The following OSBP2 variants were observed in gnomAD, a reference collection of about 807,000 sequenced individuals.
OSBP2 encodes oxysterol binding protein 2.
In OSBP2, 66 loss-of-function variants were observed where a neutral mutation model predicts 96.0. The observed-to-expected ratio is 0.69, with a 90% confidence interval of 0.56 to 0.84. The LOEUF (loss-of-function observed/expected upper bound fraction) is 0.84, where lower values mean the gene tolerates loss of function less well. Among genes scored for constraint, OSBP2 ranks in the 40% least tolerant of loss-of-function variants. The pLI, the probability that OSBP2 is intolerant of heterozygous loss-of-function variation, is 0.00. For missense variants in OSBP2, 1,038 were observed against 1,222.7 expected (o/e 0.85, Z 2.25); for synonymous variants, 525 against 520.9 (o/e 1.01, Z -0.11).
chr22:30,750,787 C>T (rs945027925), intron 2 of OSBP2, among the ~76,000 whole-genome samples: 1 of 152,202 alleles, frequency 6.6e-6, no homozygotes, highest in African/African-American at 2.4e-5. Flanking sequence ...ATCTGTTGCC[C>T]AGGCTAGAGT....
intron 2 of OSBP2, among the ~76,000 whole-genome samples, chr22:30,848,113 C>A (rs2147052681): frequency 6.6e-6 from 1 of 152,230 alleles, no homozygotes; most frequent in South Asian, 2.1e-4. Context: ...GATTCCCTAA[C>A]AGCTATATAA....
At chr22:30,900,708 C>A (rs1262593695) in intron 12 of OSBP2, among the ~76,000 whole-genome samples, 1 of 152,064 alleles carries the variant, frequency 6.6e-6, no homozygotes, top group African/African-American at 2.4e-5. Context: ...CCAAATGAAT[C>A]CCTATGGAAA....
chr22:30,739,586 T>C (rs543584180), intron 1 of OSBP2, among the ~76,000 whole-genome samples: 1 of 152,132 alleles, frequency 6.6e-6, no homozygotes, highest in African/African-American at 2.4e-5. Context: ...GTGATTCTCC[T>C]GCCCCAGCCT....
chr22:30,879,463 C>T (rs1177447314), intron 3 of OSBP2, among the ~76,000 whole-genome samples: 2 of 152,228 alleles, frequency 1.3e-5, no homozygotes. Context: ...AGGAGACATT[C>T]TGATCGACCC....
intron 2 of OSBP2, among the ~76,000 whole-genome samples, chr22:30,780,283 C>T (rs145574540): frequency 3.3e-5 from 5 of 152,326 alleles, no homozygotes; most frequent in South Asian, 2.1e-4. Flanking sequence ...GAATGTGGCA[C>T]GGTGAAGATC....
chr22:30,871,072 G>A lies in OSBP2; in HGVS notation c.1107+390G>A, dbSNP rs529136957. Among the ~76,000 whole-genome samples the A allele has an allele frequency of 6.6e-6, 1 of 152,110 alleles. No individual in the cohort carries two copies. The highest frequency in any genetic ancestry group is 1.5e-5 in the Non-Finnish European group (1 of 68,018). ...TCGGTGGCTGCTACTCCTCCTCCCT[G>A]GGTTCACTCCCCAGATGCAGTGGGA... On this transcript the variant is annotated intron_variant, in intron 3 of 13. Coordinates refer to ENST00000332585, the MANE Select transcript of OSBP2 (RefSeq NM_030758.4). The surrounding 1 kb of genome is among the most constrained non-coding windows in gnomAD (Gnocchi z 4.7).
chr22:30,874,582 G>A (rs1299900688), intron 3 of OSBP2, among the ~76,000 whole-genome samples: 3 of 152,192 alleles, frequency 2.0e-5, no homozygotes, highest in African/African-American at 4.8e-5. Context: ...AGCTAGTGGT[G>A]CAGGCCCATT....
chr22:30,822,556 C>T, intron 2 of OSBP2: 3 of 1,398,022 alleles, frequency 2.1e-6, no homozygotes, highest in African/African-American at 1.5e-5. Flanking sequence ...CCGAGCTGTG[C>T]ACGCGTCCGT....
At chr22:30,723,439 A>C (rs906920415) in intron 1 of OSBP2, among the ~76,000 whole-genome samples, 1 of 146,774 alleles carries the variant, frequency 6.8e-6, no homozygotes, top group African/African-American at 2.6e-5. Context: ...CCTGAGACAG[A>C]GTCTTGCTCC....
chr22:30,738,133 T>C (rs945772807), intron 1 of OSBP2, among the ~76,000 whole-genome samples: 1 of 151,946 alleles, frequency 6.6e-6, no homozygotes, highest in African/African-American at 2.4e-5. Context: ...ATTTTTTTGC[T>C]TCATTTTTCT....
At chr22:30,892,604 C>A (rs1182685850) in intron 8 of OSBP2, among the ~76,000 whole-genome samples, 1 of 152,124 alleles carries the variant, frequency 6.6e-6, no homozygotes, top group Non-Finnish European at 1.5e-5. Flanking sequence ...GCCAGCAAGG[C>A]AGGGGAGGGC....
At chr22:30,811,910 G>A (rs920171545) in intron 2 of OSBP2, among the ~76,000 whole-genome samples, 3 of 150,900 alleles carry the variant, frequency 2.0e-5, no homozygotes, top group African/African-American at 7.3e-5. Flanking sequence ...ATGTTGGAGT[G>A]CAGTGGTGTA....
In OSBP2 at chr22:30,871,062, C is replaced by G. The variant is rs899720153; in HGVS notation, c.1107+380C>G. 6.6e-6 allele frequency among the ~76,000 whole-genome samples: 1 copy of G among 152,224 alleles called. No individual in the cohort carries two copies. Among genetic ancestry groups the G allele is most frequent in the Non-Finnish European group, 1.5e-5 (1 of 68,004 alleles). ...ACACTGGCCCTCGGTGGCTGCTACT[C>G]CTCCTCCCTGGGTTCACTCCCCAGA... On this transcript the variant is annotated intron_variant, in intron 3 of 13. Transcript: ENST00000332585. The surrounding 1 kb of genome is among the most constrained non-coding windows in gnomAD (Gnocchi z 4.7).
At chr22:30,764,290 G>T (rs1602231319) in intron 2 of OSBP2, 3 of 984,756 alleles carry the variant, frequency 3.0e-6, no homozygotes, top group Admixed American at 1.2e-4. Context: ...GGGTGGGCGG[G>T]GATGAGGAGG....
intron 12 of OSBP2, 25 bp downstream of exon 12, chr22:30,894,026 G>T: frequency 6.4e-7 from 1 of 1,571,356 alleles, no homozygotes; most frequent in Non-Finnish European, 8.6e-7. Flanking sequence ...CAGGGGCCCC[G>T]CCACAGGCAA....
At chr22:30,888,373 C>T (rs368407878) in intron 5 of OSBP2, 33 bp downstream of exon 5, 2 of 1,293,504 alleles carry the variant, frequency 1.5e-6, no homozygotes, top group African/African-American at 1.5e-5. Flanking sequence ...GAGCCTCCCC[C>T]ACCCTGGTCT....
intron 2 of OSBP2, among the ~76,000 whole-genome samples, chr22:30,847,681 CCT>C (rs1462673404): frequency 2.0e-5 from 3 of 152,076 alleles, no homozygotes; most frequent in African/African-American, 4.8e-5. Flanking sequence ...TTAATAGACT[CCT>C]CAGGTTTTTT....
At chr22:30,701,760 A>G (rs1162008237) in intron 1 of OSBP2, among the ~76,000 whole-genome samples, 1 of 152,120 alleles carries the variant, frequency 6.6e-6, no homozygotes, top group African/African-American at 2.4e-5. Context: ...TCCTCACATA[A>G]TGGGCTGGAT....
intron 2 of OSBP2, among the ~76,000 whole-genome samples, chr22:30,782,022 T>C (rs1272495543): frequency 6.6e-6 from 1 of 152,132 alleles, no homozygotes. Flanking sequence ...GGTGGGCACC[T>C]GTATTCCCAG....
Sources: gnomAD v4.1 joint callset for allele counts (sites outside exome capture counted in the v4.1 genomes callset) on GRCh38, gnomAD v4.1.1 for gene constraint, Gnocchi (gnomAD v3.1) non-coding constraint, MANE v1.5 for transcripts, NCBI Gene and HGNC (gene_info 2026-07-23, HGNC 2026-07-21) for gene names.